ENDOV: variants seen among roughly 807,000 people sequenced by gnomAD.
ENDOV encodes the protein endonuclease V.
ENDOV carries 37 observed loss-of-function variants against 39.4 expected under a neutral mutation model. That is an observed-to-expected ratio of 0.94 (90% CI 0.72 to 1.23). The LOEUF (loss-of-function observed/expected upper bound fraction) is 1.23, where lower values mean the gene tolerates loss of function less well. Ranked by LOEUF, ENDOV falls within the 50% of genes most tolerant of loss-of-function variation. The pLI, the probability that ENDOV is intolerant of heterozygous loss-of-function variation, is 0.00. For synonymous variants in ENDOV, 186 were observed against 163.4 expected, an observed-to-expected ratio of 1.14 and a Z score of -1.05; for missense variants, 441 against 375.7, an observed-to-expected ratio of 1.17 and a Z score of -1.44.
chr17:80,433,822 CA>C (rs1236994927), intron 9 of ENDOV, among the ~76,000 whole-genome samples: 1 of 152,184 alleles, frequency 6.6e-6, no homozygotes. Flanking sequence ...AGGACCTGGT[CA>C]GGGGGTCCTT....
At chr17:80,415,436 G>C (rs985105260) in intron 1 of ENDOV, 186 bp downstream of exon 1, 4 of 984,038 alleles carry the variant, frequency 4.1e-6, no homozygotes, top group Admixed American at 5.7e-5. Flanking sequence ...GGGTGGGCGC[G>C]GTTCTCGCTT....
At chr17:80,430,073 C>T (rs1023612519) in intron 9 of ENDOV, 15 of 1,535,592 alleles carry the variant, frequency 9.8e-6, no homozygotes, top group South Asian at 5.9e-5. Flanking sequence ...ACAGGCTGAC[C>T]GCACCACCCC....
At chr17:80,427,412 G>A in intron 7 of ENDOV, 1 of 985,322 alleles carries the variant, frequency 1.0e-6, no homozygotes, top group Non-Finnish European at 1.2e-6. Flanking sequence ...TTGCAAGGGA[G>A]GGGACACCTG....
At chr17:80,416,071 C>G (rs56744811) in intron 2 of ENDOV, 3 of 383,984 alleles carry the variant, frequency 7.8e-6, no homozygotes, top group African/African-American at 6.5e-5. Flanking sequence ...AACCCGGTCT[C>G]TACTAAAAAT....
At chr17:80,425,222 C>T (rs41299836) in intron 6 of ENDOV, 122 bp downstream of exon 6, 82,589 of 904,678 alleles carry the variant, frequency 0.091, 4,155 homozygotes, top group Middle Eastern at 0.14. Flanking sequence ...CCCGCCTGCC[C>T]GTCCATCCAT....
In ENDOV at chr17:80,422,351, G is replaced by A. The variant is rs935179904; in HGVS notation, c.403+106G>A. 26 of 1,364,812 alleles carry A rather than the reference G, an allele frequency of 1.9e-5. No individual in the cohort carries two copies. In the East Asian group the frequency reaches 4.2e-4, roughly 22 times the overall value. 84.5% of individuals were successfully genotyped at this position (1,364,812 alleles called of 1,614,324 possible). A position where few individuals can be genotyped will look rare whatever the true frequency, so the allele number is the denominator to read the frequency against. On this transcript the variant is annotated intron_variant, in intron 4 of 9. Transcript: ENST00000518137. ...AAATGCTGGGCCCTCGGCCTCTGCC[G>A]CCAGCCCCCTCCAATGGCTTCTTTC... is the stretch of plus-strand genomic sequence containing the variant.
chr17:80,434,946 A>G (rs1289817710), intron 9 of ENDOV, among the ~76,000 whole-genome samples: 2 of 152,136 alleles, frequency 1.3e-5, no homozygotes, highest in East Asian at 3.8e-4. Flanking sequence ...CCTGCCTCAA[A>G]AAAAAAGTGG....
At chr17:80,426,592 A>G (rs2082713264) in intron 7 of ENDOV, among the ~76,000 whole-genome samples, 2 of 152,232 alleles carry the variant, frequency 1.3e-5, no homozygotes, top group South Asian at 4.1e-4. Flanking sequence ...TCGAGGCTGT[A>G]GTGTGCCCTG....
intron 9 of ENDOV, among the ~76,000 whole-genome samples, chr17:80,433,546 G>A (rs1392635847): frequency 6.6e-6 from 1 of 152,220 alleles, no homozygotes; most frequent in Admixed American, 6.5e-5. Flanking sequence ...AGCCAGACAG[G>A]ACCACACCTC....
intron 9 of ENDOV, chr17:80,430,391 A>G (rs35703238): frequency 0.02 from 30,674 of 1,503,924 alleles, 411 homozygotes; most frequent in African/African-American, 0.039. Context: ...TTGTTTGTTT[A>G]TTTATTTCCA....
intron 8 of ENDOV, among the ~76,000 whole-genome samples, chr17:80,429,491 T>C (rs368612026): frequency 2.0e-5 from 3 of 152,348 alleles, no homozygotes; most frequent in African/African-American, 7.2e-5. Context: ...CGTGCTCATT[T>C]TCCCTCTAAG....
chr17:80,430,005 G>A, intron 9 of ENDOV, 174 bp downstream of exon 9: 1 of 1,537,790 alleles, frequency 6.5e-7, no homozygotes, highest in South Asian at 1.2e-5. Flanking sequence ...CCTGGGGGTG[G>A]TCTAGGGACT....
rs1286440194 is a variant in ENDOV, at chr17:80,419,747, C to G, written c.229-2081C>G. On this transcript the variant is annotated intron_variant, in intron 2 of 9. Transcript: ENST00000518137. ...TCAGTGGCCCTCTGGTCATGCCCTC[C>G]GTTCACACAATCCATCTTTCCGTCT... 3 of 689,672 alleles carry G rather than the reference C, an allele frequency of 4.3e-6. No individual in the cohort carries two copies. In the African/African-American group the frequency reaches 5.3e-5, roughly 12 times the overall value. The allele number at this position is 689,672 out of a possible 1,614,324, so 42.7% of individuals were successfully genotyped here. A position where few individuals can be genotyped will look rare whatever the true frequency, so the allele number is the denominator to read the frequency against.
At chr17:80,433,054 C>T (rs921883526) in intron 9 of ENDOV, 1 of 516,404 alleles carries the variant, frequency 1.9e-6, no homozygotes, top group Non-Finnish European at 3.9e-6. Flanking sequence ...CCTCTCCACA[C>T]TCACTGGCAT....
Position 80,432,750 on chromosome 17 carries a change from G to A in ENDOV, c.838+2919G>A, listed in dbSNP as rs907501422. 3.9e-5 allele frequency among the ~76,000 whole-genome samples: 6 copies of A among 152,156 alleles called. No individual in the cohort carries two copies. In the South Asian group the frequency reaches 8.3e-4, roughly 21 times the overall value. ...GGGGGACCTTGCCTCAAGCAGAGTCGTGGGAGATGGAGTCATGGGGGCGTG... is the reference window on the plus strand; with the variant it reads ...GGGGGACCTTGCCTCAAGCAGAGTCATGGGAGATGGAGTCATGGGGGCGTG... On this transcript the variant is annotated intron_variant, in intron 9 of 9. Transcript: ENST00000518137.
intron 8 of ENDOV, among the ~76,000 whole-genome samples, chr17:80,428,904 C>A (rs1005812130): frequency 6.6e-6 from 1 of 152,220 alleles, no homozygotes; most frequent in Non-Finnish European, 1.5e-5. Flanking sequence ...CCTGGAACTA[C>A]GGCCCTGTCT....
chr17:80,436,066 C>A, intron 9 of ENDOV, 67 bp from the exon 10 acceptor site: 1 of 1,569,890 alleles, frequency 6.4e-7, no homozygotes, highest in Non-Finnish European at 8.7e-7. Flanking sequence ...ATTTCCACTT[C>A]CTCCTTTCCA....
intron 4 of ENDOV, among the ~76,000 whole-genome samples, chr17:80,422,687 G>A (rs779804617): frequency 6.6e-6 from 1 of 152,112 alleles, no homozygotes; most frequent in East Asian, 1.9e-4. Context: ...CCTAGGGAGC[G>A]TGGCTGAGGG....
chr17:80,431,300 C>T (rs1438106003), intron 9 of ENDOV, among the ~76,000 whole-genome samples: 1 of 152,190 alleles, frequency 6.6e-6, no homozygotes, highest in Non-Finnish European at 1.5e-5. Flanking sequence ...CACCCGCCTG[C>T]GCTCACTCGA....
Sources: allele counts gnomAD v4.1 joint callset (sites outside exome capture counted in the v4.1 genomes callset), GRCh38; gene constraint gnomAD v4.1.1; transcripts MANE v1.5; gene names NCBI Gene and HGNC (gene_info 2026-07-23, HGNC 2026-07-21).